Variants in TNNI3K observed in about 807,000 individuals in gnomAD.
TNNI3K encodes serine/threonine-protein kinase TNNI3K.
A neutral mutation model predicts 114.5 loss-of-function variants in TNNI3K; 140 were observed. The ratio of observed to expected loss-of-function variants is 1.22; its 90% CI spans 1.07 to 1.41. The LOEUF is 1.41. Ranked by LOEUF, TNNI3K falls within the 40% of genes most tolerant of loss-of-function variation. TNNI3K has a pLI of 0.00. For missense variants in TNNI3K, 1,125 were observed against 1,007.6 expected (o/e 1.12, Z -1.58); for synonymous variants, 347 against 347.5 (o/e 1.00, Z 0.02).
intron 5 of TNNI3K, among the ~76,000 whole-genome samples, chr1:74,304,151 G>A (rs1010535905): frequency 2.0e-4 from 30 of 152,326 alleles, no homozygotes; most frequent in Admixed American, 1.1e-3. Context: ...AATAGTGGAA[G>A]TGCTTGAGAG....
At chr1:74,536,892 T>A (rs1486001610) in intron 23 of TNNI3K, among the ~76,000 whole-genome samples, 1 of 152,126 alleles carries the variant, frequency 6.6e-6, no homozygotes, top group African/African-American at 2.4e-5. Flanking sequence ...CAAATAGAGG[T>A]CCTGATGAAT....
At chr1:74,532,408 G>GCTC (rs1303130108) in intron 23 of TNNI3K, among the ~76,000 whole-genome samples, 1 of 151,924 alleles carries the variant, frequency 6.6e-6, no homozygotes, top group East Asian at 1.9e-4. Flanking sequence ...AATTCAATGA[G>GCTC]CTCCTGAAAT....
intron 11 of TNNI3K, among the ~76,000 whole-genome samples, chr1:74,356,150 G>A (rs1373594068): frequency 6.6e-6 from 1 of 152,072 alleles, no homozygotes; most frequent in Non-Finnish European, 1.5e-5. Context: ...TTTGTGTCTG[G>A]CTTTTTTCAG....
intron 5 of TNNI3K, among the ~76,000 whole-genome samples, chr1:74,319,125 C>G (rs148848680): frequency 6.6e-6 from 1 of 152,144 alleles, no homozygotes; most frequent in Non-Finnish European, 1.5e-5. Context: ...GTAAAAGTGT[C>G]GGGTGAGGCT....
chr1:74,368,175 A>G (rs542986441), intron 13 of TNNI3K, among the ~76,000 whole-genome samples: 2 of 152,020 alleles, frequency 1.3e-5, no homozygotes, highest in South Asian at 4.1e-4. Context: ...ATTTCACATA[A>G]CTATTAAAGA....
chr1:74,436,191 G>T (rs1266662206), intron 18 of TNNI3K, 59 bp downstream of exon 18: 2 of 1,593,636 alleles, frequency 1.3e-6, no homozygotes, highest in African/African-American at 2.7e-5. Flanking sequence ...ACAATATGGT[G>T]CCTGATATTG....
chr1:74,506,387 C>G (rs1353196105), intron 23 of TNNI3K, among the ~76,000 whole-genome samples: 2 of 152,148 alleles, frequency 1.3e-5, no homozygotes, highest in African/African-American at 2.4e-5. Context: ...AACTAGTAAA[C>G]AGCAGGGCCA....
intron 24 of TNNI3K, among the ~76,000 whole-genome samples, chr1:74,542,569 G>C (rs1646739242): frequency 6.6e-6 from 1 of 152,182 alleles, no homozygotes; most frequent in Non-Finnish European, 1.5e-5. Flanking sequence ...GTTGACAGGA[G>C]TATCACTATC....
At position 74,329,929 on chromosome 1, in the gene TNNI3K, C is replaced by A. The variant is rs570645789; in HGVS notation, c.445-1521C>A. Among the ~76,000 whole-genome samples the A allele has an allele frequency of 2.6e-5, 4 of 152,136 alleles. No individual in the cohort carries two copies. In the South Asian group the frequency reaches 8.3e-4, roughly 32 times the overall value. On this transcript the variant is annotated intron_variant, in intron 5 of 24. Transcript: ENST00000326637. ...GGTGATAGGACATAAGTCCCTTGAGCTCTTAAATTCCATCTTTCTGTTTTC... is the reference window on the plus strand; with the variant it reads ...GGTGATAGGACATAAGTCCCTTGAGATCTTAAATTCCATCTTTCTGTTTTC...
At chr1:74,377,899 TATATC>T (rs1662988946) in intron 17 of TNNI3K, among the ~76,000 whole-genome samples, 1 of 152,048 alleles carries the variant, frequency 6.6e-6, no homozygotes, top group Non-Finnish European at 1.5e-5. Flanking sequence ...AATTCACTAT[TATATC>T]AATGCACATA....
rs115830467 is a variant in TNNI3K, at chr1:74,362,841, C to T, written c.1178-4415C>T. 4.7e-3 allele frequency among the ~76,000 whole-genome samples: 714 copies of T among 152,180 alleles called. 3 individuals carry two copies. The highest frequency in any genetic ancestry group is 7.5e-3 in the Non-Finnish European group (513 of 67,992). ...AAGCACTGAATTTGGAGAATACACA[C>T]AGGACTGAAAGAGTGAGGAGCAGGA... On this transcript the variant is annotated intron_variant, in intron 11 of 24. Coordinates refer to ENST00000326637, the MANE Select transcript of TNNI3K (RefSeq NM_015978.3).
intron 17 of TNNI3K, among the ~76,000 whole-genome samples, chr1:74,415,093 G>A (rs1665054774): frequency 6.6e-6 from 1 of 152,080 alleles, no homozygotes; most frequent in Non-Finnish European, 1.5e-5. Flanking sequence ...CCACGACGGG[G>A]CCTCTATTTT....
intron 4 of TNNI3K, among the ~76,000 whole-genome samples, chr1:74,253,605 C>G (rs533679166): frequency 7.6e-4 from 116 of 152,272 alleles, no homozygotes; most frequent in African/African-American, 2.5e-3. Context: ...CCTCACTGCC[C>G]GGAGCCGGCA....
chr1:74,509,082 T>C (rs145243787), intron 23 of TNNI3K, among the ~76,000 whole-genome samples: 2 of 152,314 alleles, frequency 1.3e-5, no homozygotes, highest in Non-Finnish European at 2.9e-5. Flanking sequence ...ATTCAGACAC[T>C]TTCTTCTTCT....
chr1:74,279,970 A>G (rs1399839645), intron 5 of TNNI3K, among the ~76,000 whole-genome samples: 1 of 152,184 alleles, frequency 6.6e-6, no homozygotes, highest in African/African-American at 2.4e-5. Context: ...CTCCCCAGCA[A>G]TCGTCCCCTT....
chr1:74,470,387 C>G, intron 21 of TNNI3K: 3 of 400,696 alleles, frequency 7.5e-6, no homozygotes, highest in Non-Finnish European at 1.3e-5. Context: ...TCTTTCCCTA[C>G]TATTTTTATC....
intron 2 of TNNI3K, among the ~76,000 whole-genome samples, chr1:74,241,678 C>A (rs969825491): frequency 6.6e-6 from 1 of 151,826 alleles, no homozygotes; most frequent in African/African-American, 2.4e-5. Context: ...AGATATTAGC[C>A]CTTTGTCAGA....
Position 74,236,203 on chromosome 1 carries a change from A to G in TNNI3K, c.142A>G (p.Ile48Val), listed in dbSNP as rs1653847996. ...KEKELTELRN[I>V]FGSDEAFSKV... ...AAAAGAACTGACAGAACTAAGGAAT[A>G]TATTTGGGTAAAGTTGTAAGAGTCA... Residue 48 changes from isoleucine (I) to valine (V), a missense_variant, in exon 2 of 25, where the codon ATA (isoleucine) becomes GTA (valine). Physicochemically the swap from Ile to Val is conservative, Grantham distance 29. Transcript: ENST00000326637. 9 of 1,604,334 alleles carry G rather than the reference A, an allele frequency of 5.6e-6. No homozygotes were observed. Among genetic ancestry groups the G allele is most frequent in the African/African-American group, 1.3e-5 (1 of 74,486 alleles).
At chr1:74,485,238 T>A (rs899581534) in intron 21 of TNNI3K, among the ~76,000 whole-genome samples, 12 of 152,198 alleles carry the variant, frequency 7.9e-5, no homozygotes, top group African/African-American at 2.7e-4. Flanking sequence ...AGTTGGGCCT[T>A]GCAGAGTACA....
Sources: allele counts gnomAD v4.1 joint callset (sites outside exome capture counted in the v4.1 genomes callset), GRCh38; gene constraint gnomAD v4.1.1; transcripts MANE v1.5; gene names NCBI Gene and HGNC (gene_info 2026-07-23, HGNC 2026-07-21).